Variants in GAB2 observed in about 807,000 individuals in gnomAD.
GAB2 encodes GRB2 associated binding protein 2, also known as GRB2-associated-binding protein 2.
Under a neutral mutation model 65.5 loss-of-function variants are expected in GAB2, and 26 were observed. That is an observed-to-expected ratio of 0.40 (90% CI 0.29 to 0.55). The LOEUF is 0.55. Among genes scored for constraint, GAB2 ranks in the 20% least tolerant of loss-of-function variants. The pLI, the probability that GAB2 is intolerant of heterozygous loss-of-function variation, is 0.53. For synonymous variants in GAB2, 321 were observed against 329.6 expected (o/e 0.97, Z 0.28); for missense variants, 884 against 875.8 (o/e 1.01, Z -0.12).
chr11:78,405,968 G>C (rs568719931), intron 1 of GAB2, among the ~76,000 whole-genome samples: 1 of 152,306 alleles, frequency 6.6e-6, no homozygotes, highest in East Asian at 1.9e-4. Context: ...AGCAAACTGT[G>C]GTCCAACCCT....
chr11:78,309,975 C>CGCGCGCGT (rs1554987076), intron 1 of GAB2, among the ~76,000 whole-genome samples: 23 of 133,750 alleles, frequency 1.7e-4, no homozygotes, highest in African/African-American at 6.8e-4. Context: ...TGTGTGTGCG[C>CGCGCGCGT]GCGCGCCTGT....
At chr11:78,358,659 A>C (rs1254376587) in intron 1 of GAB2, among the ~76,000 whole-genome samples, 1 of 151,970 alleles carries the variant, frequency 6.6e-6, no homozygotes, top group Non-Finnish European at 1.5e-5. Context: ...TGGTAGAATA[A>C]ATGTTTAACC....
At chr11:78,222,024 G>A (rs570949008) in intron 7 of GAB2, 81 bp downstream of exon 7, 44 of 918,832 alleles carry the variant, frequency 4.8e-5, no homozygotes, top group Non-Finnish European at 6.0e-5. Context: ...CAGCTGTCCC[G>A]GCCCACAGGC....
At chr11:78,405,646 C>G (rs974550880) in intron 1 of GAB2, among the ~76,000 whole-genome samples, 9 of 152,128 alleles carry the variant, frequency 5.9e-5, no homozygotes, top group Non-Finnish European at 5.9e-5. Context: ...CTAAGTACAA[C>G]TAAAATCCTT....
At chr11:78,239,373 A>G (rs1022891928) in intron 3 of GAB2, among the ~76,000 whole-genome samples, 5 of 152,074 alleles carry the variant, frequency 3.3e-5, no homozygotes, top group Non-Finnish European at 7.4e-5. Flanking sequence ...GGCGCATGTC[A>G]CCACACCCTG....
chr11:78,236,588 C>G (rs1000908119), intron 3 of GAB2, among the ~76,000 whole-genome samples: 2 of 152,200 alleles, frequency 1.3e-5, no homozygotes, highest in Admixed American at 6.5e-5. Context: ...TAGGTATGAT[C>G]TTAGCTATAG....
chr11:78,412,030 A>AC (rs1857136271), intron 1 of GAB2, among the ~76,000 whole-genome samples: 1 of 147,636 alleles, frequency 6.8e-6, no homozygotes, highest in African/African-American at 2.6e-5. Flanking sequence ...AATCTGTCTA[A>AC]AAACAACAAC....
chr11:78,242,807 G>C (rs1865177583), intron 3 of GAB2, among the ~76,000 whole-genome samples: 1 of 152,098 alleles, frequency 6.6e-6, no homozygotes, highest in Admixed American at 6.5e-5. Flanking sequence ...TTTTTTCAAA[G>C]AATAAACAAA....
At chr11:78,394,234 G>C (rs1200026519) in intron 1 of GAB2, among the ~76,000 whole-genome samples, 1 of 152,142 alleles carries the variant, frequency 6.6e-6, no homozygotes, top group Non-Finnish European at 1.5e-5. Context: ...GTTGCAGTTA[G>C]CCGAGATCGT....
At chr11:78,417,403 G>C (rs1336782142) in intron 1 of GAB2, among the ~76,000 whole-genome samples, 1 of 151,888 alleles carries the variant, frequency 6.6e-6, no homozygotes, top group Non-Finnish European at 1.5e-5. Flanking sequence ...GGGAGGCGCC[G>C]CAGCCGCACC....
intron 2 of GAB2, among the ~76,000 whole-genome samples, chr11:78,273,925 A>T (rs911331580): frequency 1.2e-4 from 18 of 151,992 alleles, no homozygotes; most frequent in African/African-American, 3.9e-4. Flanking sequence ...GATATAAGAC[A>T]TGACTTGCTC....
At chr11:78,297,913 G>A (rs1866884702) in intron 1 of GAB2, among the ~76,000 whole-genome samples, 1 of 152,054 alleles carries the variant, frequency 6.6e-6, no homozygotes, top group South Asian at 2.1e-4. Flanking sequence ...GCTTAGAAAA[G>A]CATTTCAAAT....
chr11:78,341,178 C>T (rs189902974), intron 1 of GAB2, among the ~76,000 whole-genome samples: 11 of 152,290 alleles, frequency 7.2e-5, no homozygotes, highest in Admixed American at 7.2e-4. Flanking sequence ...ATCTCTCATC[C>T]AATAAAGGAA....
At chr11:78,231,512 G>A (rs564031090) in intron 3 of GAB2, among the ~76,000 whole-genome samples, 27 of 152,240 alleles carry the variant, frequency 1.8e-4, no homozygotes, top group Non-Finnish European at 3.8e-4. Context: ...ACTGCACCTG[G>A]CTAATTTTTG....
chr11:78,301,054 T>C (rs1416308213), intron 1 of GAB2, among the ~76,000 whole-genome samples: 1 of 152,134 alleles, frequency 6.6e-6, no homozygotes, highest in Admixed American at 6.6e-5. Flanking sequence ...ACTTTCCATG[T>C]GTTTAGTTGT....
intron 3 of GAB2, among the ~76,000 whole-genome samples, chr11:78,247,535 G>T (rs886580965): frequency 6.6e-6 from 1 of 152,158 alleles, no homozygotes; most frequent in Middle Eastern, 3.4e-3. Context: ...AATGTATACG[G>T]TTTCTTCATA....
intron 4 of GAB2, 143 bp from the exon 5 acceptor site, chr11:78,225,345 G>A (rs568357423): frequency 2.0e-5 from 12 of 604,682 alleles, no homozygotes; most frequent in African/African-American, 7.4e-5. Flanking sequence ...GAATTTCTTC[G>A]AACACATCAC....
At chr11:78,283,344 C>A (rs1175222788) in intron 1 of GAB2, among the ~76,000 whole-genome samples, 1 of 152,190 alleles carries the variant, frequency 6.6e-6, no homozygotes, top group Non-Finnish European at 1.5e-5. Context: ...GACATCACTT[C>A]AACAATTCTC....
intron 3 of GAB2, among the ~76,000 whole-genome samples, chr11:78,243,727 C>A (rs1269176494): frequency 6.6e-6 from 1 of 151,914 alleles, no homozygotes; most frequent in Non-Finnish European, 1.5e-5. Flanking sequence ...GCCTGTAGTC[C>A]CAGCTACTTG....
Sources: gnomAD v4.1 joint callset for allele counts (sites outside exome capture counted in the v4.1 genomes callset) on GRCh38, gnomAD v4.1.1 for gene constraint, MANE v1.5 for transcripts, NCBI Gene and HGNC (gene_info 2026-07-23, HGNC 2026-07-21) for gene names.